The following TOX variants were observed in gnomAD, a reference collection of about 807,000 sequenced individuals.
TOX encodes thymocyte selection associated high mobility group box.
In TOX, 11 loss-of-function variants were observed where a neutral mutation model predicts 53.7. That is an observed-to-expected ratio of 0.20 (90% CI 0.13 to 0.34). The LOEUF (loss-of-function observed/expected upper bound fraction) is 0.34, where lower values mean the gene tolerates loss of function less well. TOX is among the 10% of genes least tolerant of loss of function. The pLI is 1.00. For synonymous variants in TOX, 225 were observed against 245.3 expected (o/e 0.92, Z 0.77); for missense variants, 570 against 664.6 (o/e 0.86, Z 1.56).
intron 3 of TOX, among the ~76,000 whole-genome samples, chr8:58,854,698 CTT>C (rs1240569478): frequency 6.6e-6 from 1 of 152,136 alleles, no homozygotes; most frequent in Non-Finnish European, 1.5e-5. Context: ...TCAAAGCACT[CTT>C]TTCCTGTGTG....
At chr8:58,860,931 C>T (rs1811000088) in intron 3 of TOX, among the ~76,000 whole-genome samples, 1 of 152,154 alleles carries the variant, frequency 6.6e-6, no homozygotes, top group Non-Finnish European at 1.5e-5. Flanking sequence ...ACAACTTCGG[C>T]CAGGAGGTTA....
chr8:59,024,941 T>C (rs1359355928), intron 1 of TOX, among the ~76,000 whole-genome samples: 1 of 152,214 alleles, frequency 6.6e-6, no homozygotes, highest in Non-Finnish European at 1.5e-5. Context: ...CATAGTGAAG[T>C]GTTTTTAAAT....
At chr8:59,080,000 T>C (rs1804372251) in intron 1 of TOX, among the ~76,000 whole-genome samples, 1 of 141,728 alleles carries the variant, frequency 7.1e-6, no homozygotes, top group South Asian at 2.2e-4. Context: ...TTTTTTTTTT[T>C]GAGATGGAGT....
At chr8:58,983,145 G>A (rs760703373) in intron 1 of TOX, among the ~76,000 whole-genome samples, 9 of 152,188 alleles carry the variant, frequency 5.9e-5, no homozygotes, top group Non-Finnish European at 8.8e-5. Flanking sequence ...ATTTGCACAT[G>A]TATGTACTTT....
intron 2 of TOX, 34 bp downstream of exon 2, chr8:58,959,909 T>G (rs749762853): frequency 3.7e-6 from 6 of 1,611,704 alleles, no homozygotes; most frequent in Non-Finnish European, 4.2e-6. Context: ...TTAATTACAA[T>G]TTGAAACAAG....
chr8:58,856,709 C>A (rs906151266), intron 3 of TOX, among the ~76,000 whole-genome samples: 3 of 151,770 alleles, frequency 2.0e-5, no homozygotes, highest in Middle Eastern at 3.5e-3. Flanking sequence ...TGTGGTGCTT[C>A]CAAGAAGTCT....
intron 3 of TOX, among the ~76,000 whole-genome samples, chr8:58,863,797 C>A (rs540395803): frequency 4.0e-4 from 61 of 152,154 alleles, no homozygotes; most frequent in Non-Finnish European, 7.8e-4. Flanking sequence ...GAAACAAAGA[C>A]AGATGAGACT....
At chr8:58,810,551 C>T (rs1231578165) in intron 7 of TOX, among the ~76,000 whole-genome samples, 2 of 151,956 alleles carry the variant, frequency 1.3e-5, no homozygotes, top group East Asian at 3.9e-4. Context: ...CATAGTTTCG[C>T]CATATTTCCC....
chr8:58,975,080 T>C (rs987821484), intron 1 of TOX, among the ~76,000 whole-genome samples: 2 of 151,926 alleles, frequency 1.3e-5, no homozygotes, highest in African/African-American at 4.8e-5. Context: ...TATAAATATA[T>C]GTATAAAGTT....
At chr8:59,113,680 G>GCT (rs1805057476) in intron 1 of TOX, among the ~76,000 whole-genome samples, 1 of 152,106 alleles carries the variant, frequency 6.6e-6, no homozygotes, top group African/African-American at 2.4e-5. Context: ...TAAGATTGGG[G>GCT]AGGAGACTAG....
chr8:59,090,007 T>A lies in TOX; in HGVS notation c.102+28879A>T, dbSNP rs552548735. Among the ~76,000 whole-genome samples the A allele has an allele frequency of 1.3e-5, 2 of 152,224 alleles. 1 individual carries two copies. The highest frequency in any genetic ancestry group is 4.1e-4 in the South Asian group (2 of 4,830). ...CCATCAGATTCAGAACGTTGGCCAC[T>A]GATGTGGTCAGGTGCTTTCAGTGCA... On this transcript the variant is annotated intron_variant, in intron 1 of 8. Transcript: ENST00000361421.
intron 1 of TOX, among the ~76,000 whole-genome samples, chr8:58,998,847 G>T (rs1398173970): frequency 2.0e-5 from 3 of 151,700 alleles, no homozygotes; most frequent in African/African-American, 7.3e-5. Flanking sequence ...CAAACAATAG[G>T]ACAGGTATGA....
chr8:59,012,384 G>C (rs1306649946), intron 1 of TOX, among the ~76,000 whole-genome samples: 2 of 151,920 alleles, frequency 1.3e-5, no homozygotes, highest in East Asian at 3.9e-4. Context: ...AACCAGAGAG[G>C]CCCAAGGGAG....
chr8:59,114,520 T>G (rs1805068994), intron 1 of TOX, among the ~76,000 whole-genome samples: 1 of 152,190 alleles, frequency 6.6e-6, no homozygotes, highest in Non-Finnish European at 1.5e-5. Context: ...ACCTGAAAAC[T>G]TCTGAAAAGT....
intron 1 of TOX, among the ~76,000 whole-genome samples, chr8:58,964,829 A>G (rs1048910240): frequency 4.6e-5 from 7 of 151,700 alleles, no homozygotes; most frequent in Non-Finnish European, 8.8e-5. Context: ...CATCTCCATA[A>G]GAAGTGGGAA....
chr8:58,872,733 G>C (rs1338200203), intron 3 of TOX, among the ~76,000 whole-genome samples: 3 of 152,134 alleles, frequency 2.0e-5, no homozygotes, highest in Middle Eastern at 3.2e-3. Flanking sequence ...AGGAAAGTCT[G>C]AGAAACTGCC....
intron 1 of TOX, among the ~76,000 whole-genome samples, chr8:58,999,200 T>C (rs1169219945): frequency 6.6e-6 from 1 of 151,970 alleles, no homozygotes; most frequent in East Asian, 1.9e-4. Flanking sequence ...ATAGATATGA[T>C]TGAGAAATAA....
chr8:59,044,991 A>G (rs1231077178), intron 1 of TOX, among the ~76,000 whole-genome samples: 2 of 152,234 alleles, frequency 1.3e-5, no homozygotes, highest in African/African-American at 2.4e-5. Context: ...ATTCCATTTA[A>G]CCTACACATA....
At chr8:59,025,722 A>G (rs1814223297) in intron 1 of TOX, among the ~76,000 whole-genome samples, 1 of 152,086 alleles carries the variant, frequency 6.6e-6, no homozygotes, top group Non-Finnish European at 1.5e-5. Flanking sequence ...ATGGCTCTCC[A>G]GCTCCTGTTT....
Sources: allele counts gnomAD v4.1 joint callset (sites outside exome capture counted in the v4.1 genomes callset), GRCh38; gene constraint gnomAD v4.1.1; transcripts MANE v1.5; gene names NCBI Gene and HGNC (gene_info 2026-07-23, HGNC 2026-07-21).